Variants in ATP6V1A observed in about 807,000 individuals in gnomAD.
ATP6V1A encodes ATPase H+ transporting V1 subunit A.
ATP6V1A carries 18 observed loss-of-function variants against 70.1 expected under a neutral mutation model. That is an observed-to-expected ratio of 0.26 (90% CI 0.18 to 0.38). The LOEUF (loss-of-function observed/expected upper bound fraction) is 0.38, where lower values mean the gene tolerates loss of function less well. Among genes scored for constraint, ATP6V1A ranks in the 10% least tolerant of loss-of-function variants. The pLI, the probability that ATP6V1A is intolerant of heterozygous loss-of-function variation, is 1.00. For missense variants in ATP6V1A, 424 were observed against 772.4 expected (o/e 0.55, Z 5.35); for synonymous variants, 232 against 253.8 (o/e 0.91, Z 0.82).
rs1393129498 is a variant in ATP6V1A at position 113,794,785 on chromosome 3, T to C, written c.989-87T>C. The C allele has an allele frequency of 2.9e-5, 42 of 1,446,858 alleles. No homozygotes were observed. In the Middle Eastern group the frequency reaches 7.3e-4, roughly 25 times the overall value. 89.6% of individuals were successfully genotyped at this position (1,446,858 alleles called of 1,614,324 possible). A position where few individuals can be genotyped will look rare whatever the true frequency, so the allele number is the denominator to read the frequency against. The stretch of plus-strand genomic sequence containing the variant: ...ACTAGCAGTCTACGTTGTGTACTTA[T>C]TGCTTTAAGGTTTTCTTAAGGGTGG... On this transcript the variant is annotated intron_variant, in intron 8 of 14. Coordinates refer to ENST00000273398, the MANE Select transcript of ATP6V1A (RefSeq NM_001690.4).
intron 1 of ATP6V1A, among the ~76,000 whole-genome samples, chr3:113,756,043 T>A (rs1400571063): frequency 6.6e-6 from 1 of 152,234 alleles, no homozygotes; most frequent in Admixed American, 6.5e-5. Flanking sequence ...ACTTTAGTTT[T>A]ATTAACTCAT....
chr3:113,789,925 T>A, intron 8 of ATP6V1A, 85 bp downstream of exon 8: 1 of 994,254 alleles, frequency 1.0e-6, no homozygotes, highest in Non-Finnish European at 1.5e-6. Context: ...AGCTTTTTAC[T>A]TTCATTCTAA....
intron 1 of ATP6V1A, among the ~76,000 whole-genome samples, chr3:113,749,179 T>G (rs1438084117): frequency 1.3e-5 from 2 of 151,892 alleles, no homozygotes; most frequent in Non-Finnish European, 2.9e-5. Context: ...AGACCACTGA[T>G]GAAATGTAGA....
chr3:113,788,080 C>T (rs990405235), intron 6 of ATP6V1A, among the ~76,000 whole-genome samples: 1 of 152,106 alleles, frequency 6.6e-6, no homozygotes, highest in Non-Finnish European at 1.5e-5. Flanking sequence ...CCACCATGCC[C>T]TTCTAATTTC....
intron 2 of ATP6V1A, among the ~76,000 whole-genome samples, chr3:113,780,169 A>G (rs1708962467): frequency 6.6e-6 from 1 of 152,190 alleles, no homozygotes; most frequent in East Asian, 1.9e-4. Flanking sequence ...ATAGAGGTAA[A>G]TATTTATAGA....
intron 1 of ATP6V1A, among the ~76,000 whole-genome samples, chr3:113,751,102 G>T (rs1281803074): frequency 6.6e-6 from 1 of 152,076 alleles, no homozygotes; most frequent in South Asian, 2.1e-4. Flanking sequence ...TCCTGCAATG[G>T]ATTATAGAAG....
intron 1 of ATP6V1A, among the ~76,000 whole-genome samples, chr3:113,776,191 T>C (rs1449938574): frequency 6.6e-6 from 1 of 151,902 alleles, no homozygotes; most frequent in African/African-American, 2.4e-5. Context: ...AAACCCTGTC[T>C]CTACAATAAA....
At chr3:113,792,531 G>C (rs1453233269) in intron 8 of ATP6V1A, among the ~76,000 whole-genome samples, 1 of 152,072 alleles carries the variant, frequency 6.6e-6, no homozygotes, top group Non-Finnish European at 1.5e-5. Context: ...AGAGATGGGG[G>C]TCTCACTATG....
intron 4 of ATP6V1A, 108 bp downstream of exon 4, chr3:113,784,546 A>G: frequency 7.2e-7 from 1 of 1,385,806 alleles, no homozygotes; most frequent in Non-Finnish European, 9.8e-7. Context: ...CTACAGAAGG[A>G]TAGTTTAAAG....
intron 1 of ATP6V1A, among the ~76,000 whole-genome samples, chr3:113,749,685 A>G (rs1708563694): frequency 6.6e-6 from 1 of 152,188 alleles, no homozygotes; most frequent in South Asian, 2.1e-4. Context: ...ACTGTGAACT[A>G]TAATACTATT....
At chr3:113,760,572 CA>C (rs34630087) in intron 1 of ATP6V1A, among the ~76,000 whole-genome samples, 1 of 149,876 alleles carries the variant, frequency 6.7e-6, no homozygotes, top group Non-Finnish European at 1.5e-5. Context: ...ACTAAAAATA[CA>C]AAAAATTAGC....
intron 1 of ATP6V1A, among the ~76,000 whole-genome samples, chr3:113,774,201 C>G (rs985950800): frequency 6.6e-6 from 1 of 152,004 alleles, no homozygotes; most frequent in Non-Finnish European, 1.5e-5. Flanking sequence ...CTTGTATATT[C>G]TCTGAACTCC....
chr3:113,779,916 A>C (rs763515200), intron 2 of ATP6V1A, among the ~76,000 whole-genome samples: 1 of 152,350 alleles, frequency 6.6e-6, no homozygotes, highest in African/African-American at 2.4e-5. Flanking sequence ...TAGGTGTGTT[A>C]CATAGGTATA....
intron 5 of ATP6V1A, 71 bp from the exon 6 acceptor site, chr3:113,786,161 G>T (rs960013066): frequency 4.5e-5 from 64 of 1,430,996 alleles, no homozygotes; most frequent in Non-Finnish European, 5.7e-5. Flanking sequence ...AGGAGAATCG[G>T]GTTACTTTGA....
chr3:113,797,414 G>A (rs1052439275), intron 11 of ATP6V1A, among the ~76,000 whole-genome samples: 7 of 150,068 alleles, frequency 4.7e-5, no homozygotes, highest in South Asian at 2.1e-4. Context: ...CCACCACCAC[G>A]CCCGGATAAT....
At chr3:113,747,734 T>C (rs1390192422) in intron 1 of ATP6V1A, among the ~76,000 whole-genome samples, 3 of 152,208 alleles carry the variant, frequency 2.0e-5, no homozygotes, top group Non-Finnish European at 2.9e-5. Context: ...TTACTTTTTC[T>C]TCTCTGCAGA....
rs111981824 is a variant in ATP6V1A at position 113,782,540 on chromosome 3, C to A, written c.211+1362C>A. On this transcript the variant is annotated intron_variant, in intron 3 of 14. Coordinates refer to ENST00000273398, the MANE Select transcript of ATP6V1A (RefSeq NM_001690.4). ...TTCTTTCCTTTCTCTCTCTCTCTCT[C>A]TCTATATATATATATACATGTGTAT... Among the ~76,000 whole-genome samples the A allele has an allele frequency of 4.0e-3, 576 of 144,556 alleles. 3 individuals carry two copies. The highest frequency in any genetic ancestry group is 0.013 in the African/African-American group (494 of 38,678). 94.8% of individuals were successfully genotyped at this position (144,556 alleles called of 152,430 possible).
At chr3:113,790,167 A>G (rs1245580154) in intron 8 of ATP6V1A, among the ~76,000 whole-genome samples, 1 of 151,748 alleles carries the variant, frequency 6.6e-6, no homozygotes, top group Non-Finnish European at 1.5e-5. Context: ...GCTACTCGGG[A>G]GGCTGAGACA....
chr3:113,793,123 G>C (rs1481931424), intron 8 of ATP6V1A, among the ~76,000 whole-genome samples: 1 of 151,950 alleles, frequency 6.6e-6, no homozygotes, highest in Non-Finnish European at 1.5e-5. Flanking sequence ...GCAGTGGTGC[G>C]ATCTTGGCTC....
Sources: allele counts gnomAD v4.1 joint callset (sites outside exome capture counted in the v4.1 genomes callset), GRCh38; gene constraint gnomAD v4.1.1; transcripts MANE v1.5; gene names NCBI Gene and HGNC (gene_info 2026-07-23, HGNC 2026-07-21).